The following STOM variants were observed in gnomAD, a reference collection of about 807,000 sequenced individuals.
STOM encodes the protein erythrocyte band 7 integral membrane protein.
A neutral mutation model predicts 30.6 loss-of-function variants in STOM; 25 were observed. The observed-to-expected ratio is 0.82, with a 90% CI of 0.60 to 1.14. The LOEUF is 1.14. Among genes scored for constraint, STOM ranks in the 50% most tolerant of loss-of-function variants. STOM has a pLI of 0.00. For synonymous variants in STOM, 118 were observed against 130.8 expected (o/e 0.90, Z 0.67); for missense variants, 292 against 365.2 (o/e 0.80, Z 1.63).
At chr9:121,357,496 G>T (rs190604480) in intron 1 of STOM, among the ~76,000 whole-genome samples, 54 of 146,708 alleles carry the variant, frequency 3.7e-4, no homozygotes, top group African/African-American at 1.2e-3. Flanking sequence ...CTGGAGTGCA[G>T]CAGCACAGTC....
rs140130494 is a variant in STOM, at chr9:121,361,727, T to G, written c.62-5571A>C. Among the ~76,000 whole-genome samples the G allele has an allele frequency of 3.5e-3, 533 of 152,272 alleles. 2 individuals are homozygous for G. Among genetic ancestry groups the G allele is most frequent in the African/African-American group, 0.012 (495 of 41,542 alleles). On this transcript the variant is annotated intron_variant, in intron 1 of 6. Coordinates refer to ENST00000286713, the MANE Select transcript of STOM (RefSeq NM_004099.6). ...TGCTGGTTGAGAATGTTCCTAAAAA[T>G]TAGGGATCCTATGATACTTGGTTGT...
rs1384680716 is a variant in STOM, at chr9:121,339,281, A to T, written c.*1921T>A. 2.9e-5 allele frequency: 5 copies of T among 174,328 alleles called. No homozygotes were observed. Among genetic ancestry groups the T allele is most frequent in the Non-Finnish European group, 6.0e-5 (5 of 83,184 alleles). The allele number at this position is 174,328 out of a possible 1,614,324, so 10.8% of individuals were successfully genotyped here. Reference sequence around the variant, plus strand: ...GGAGACAGGAGAACTCAAGGAACCAAAAGCACTGTTACTCTAAGTCTCAGA... The same window carrying T: ...GGAGACAGGAGAACTCAAGGAACCATAAGCACTGTTACTCTAAGTCTCAGA... On this transcript the variant is annotated 3_prime_UTR_variant, in exon 7 of 7. Transcript: ENST00000286713.
intron 1 of STOM, among the ~76,000 whole-genome samples, chr9:121,368,264 GA>G (rs1041230846): frequency 9.2e-5 from 14 of 151,928 alleles, no homozygotes; most frequent in African/African-American, 3.4e-4. Flanking sequence ...TAGAACCAAG[GA>G]AAAAAACTGG....
intron 4 of STOM, among the ~76,000 whole-genome samples, chr9:121,351,627 G>A (rs549161336): frequency 6.6e-6 from 1 of 152,328 alleles, no homozygotes; most frequent in African/African-American, 2.4e-5. Context: ...TCACTTTTTC[G>A]GGGGCTATGA....
chr9:121,340,397 G>C lies in STOM; in HGVS notation c.*805C>G, dbSNP rs1390783267. ...TCAAGTAAGGATTATTCTGAAACAC[G>C]GTCTGGATTTAGAAAATAAATGAAC... On this transcript the variant is annotated 3_prime_UTR_variant, in exon 7 of 7. Transcript: ENST00000286713. 2.0e-6 allele frequency: 2 copies of C among 985,280 alleles called. No homozygotes were observed. The highest frequency in any genetic ancestry group is 5.2e-4 in the Middle Eastern group (1 of 1,914). 61.0% of individuals were successfully genotyped at this position (985,280 alleles called of 1,614,324 possible).
At chr9:121,349,443 G>T in intron 4 of STOM, 120 bp from the exon 5 acceptor site, 2 of 725,924 alleles carry the variant, frequency 2.8e-6, no homozygotes, top group East Asian at 2.8e-5. Context: ...TAAGGCATCA[G>T]AAAGTTAATT....
chr9:121,355,093 T>C (rs2134033935), intron 2 of STOM, among the ~76,000 whole-genome samples: 1 of 151,980 alleles, frequency 6.6e-6, no homozygotes, highest in South Asian at 2.1e-4. Context: ...ACCCTGTTTC[T>C]ACTAAAAATA....
intron 4 of STOM, among the ~76,000 whole-genome samples, chr9:121,351,502 T>G (rs1444828040): frequency 2.0e-5 from 3 of 152,254 alleles, no homozygotes; most frequent in Non-Finnish European, 2.9e-5. Context: ...GTATCTGGCC[T>G]TTGGCCAGGA....
At position 121,354,499 on chromosome 9, in the gene STOM, G is replaced by A. The variant is rs1375337998; in HGVS notation, c.238+102C>T. 13 of 884,002 alleles carry A rather than the reference G, an allele frequency of 1.5e-5. 1 individual carries two copies. The highest frequency in any genetic ancestry group is 8.5e-5 in the South Asian group (5 of 58,674). The allele number at this position is 884,002 out of a possible 1,614,324, so 54.8% of individuals were successfully genotyped here. A position where few individuals can be genotyped will look rare whatever the true frequency, so the allele number is the denominator to read the frequency against. On this transcript the variant is annotated intron_variant, in intron 3 of 6. Transcript: ENST00000286713. The stretch of plus-strand genomic sequence containing the variant: ...CATGCCACTGTACTCCAGCCTGGGC[G>A]ACGGAATGAAACCCTGTCTTTAAAA...
Position 121,340,752 on chromosome 9 carries a change from GAA to G in STOM, c.*448_*449del, listed in dbSNP as rs57454919. On this transcript the variant is annotated 3_prime_UTR_variant, in exon 7 of 7. Coordinates refer to ENST00000286713, the MANE Select transcript of STOM (RefSeq NM_004099.6). ...GCAACAAGAGTGAAACTCCATCTCA[GAA>G]AAAAAAAAAAAAAGACTCTCTGGAG... The G allele has an allele frequency of 5.3e-4, 473 of 885,298 alleles. No individual in the cohort carries two copies. The highest frequency in any genetic ancestry group is 1.5e-3 in the Admixed American group (21 of 14,472). 54.8% of individuals were successfully genotyped at this position (885,298 alleles called of 1,614,324 possible).
intron 1 of STOM, among the ~76,000 whole-genome samples, chr9:121,364,472 GT>G (rs2064484633): frequency 6.6e-6 from 1 of 152,106 alleles, no homozygotes; most frequent in Non-Finnish European, 1.5e-5. Flanking sequence ...TCCATCTATA[GT>G]TATAAATGCT....
rs1281716410 is a variant in STOM, at chr9:121,348,021, G to A, written c.654C>T (p.Arg218=). The A allele has an allele frequency of 4.7e-5, 75 of 1,611,616 alleles. No individual in the cohort carries two copies. The highest frequency in any genetic ancestry group is 1.1e-4 in the African/African-American group (8 of 74,828). The stretch of plus-strand genomic sequence containing the variant: ...AGTTTAAAAAAAAAGTTACCTTGGC[G>A]CGGGCCTCGCGGGACGCTTCTGCTT... ...AAEAEASREA[R]AKVIAAEGEM... The change falls in exon 6 of 7, where the codon CGC becomes CGT. Residue 218 remains arginine, a synonymous_variant. Transcript: ENST00000286713.
In STOM at chr9:121,345,671, A is replaced by G. The variant is rs142367801; in HGVS notation, c.660+2344T>C. Among the ~76,000 whole-genome samples the G allele has an allele frequency of 6.9e-3, 1,057 of 152,300 alleles. 15 individuals are homozygous for G. Among genetic ancestry groups the G allele is most frequent in the African/African-American group, 0.024 (1,017 of 41,554 alleles). ...GAGACTGCTTCTAGACTAACCCTAC[A>G]GCCCCGTCCAAGTGGGAGCATGGCA... On this transcript the variant is annotated intron_variant, in intron 6 of 6. Transcript: ENST00000286713.
intron 3 of STOM, 55 bp from the exon 4 acceptor site, chr9:121,353,357 C>T: frequency 8.2e-7 from 1 of 1,226,100 alleles, no homozygotes; most frequent in Non-Finnish European, 1.1e-6. Context: ...CAGTTCACTT[C>T]TCCATTCAGT....
chr9:121,353,381 A>T, intron 3 of STOM, 79 bp from the exon 4 acceptor site: 1 of 913,868 alleles, frequency 1.1e-6, no homozygotes. Context: ...AAGAAAATCA[A>T]CCTAGTGAAC....
At position 121,339,186 on chromosome 9, in the gene STOM, C is replaced by T. The variant is rs1402510889; in HGVS notation, c.*2016G>A. The T allele has an allele frequency of 6.5e-6, 1 of 152,842 alleles. No individual in the cohort carries two copies. The highest frequency in any genetic ancestry group is 1.5e-5 in the Non-Finnish European group (1 of 68,498). 9.5% of individuals were successfully genotyped at this position (152,842 alleles called of 1,614,324 possible). A position where few individuals can be genotyped will look rare whatever the true frequency, so the allele number is the denominator to read the frequency against. On this transcript the variant is annotated 3_prime_UTR_variant, in exon 7 of 7. Transcript: ENST00000286713. ...TAGAGCTCCTTCTATGCGTCCCTCC[C>T]AAGTGATTTAATTTCAGCTGATTGG...
chr9:121,360,415 T>A (rs2064439583), intron 1 of STOM, among the ~76,000 whole-genome samples: 1 of 152,202 alleles, frequency 6.6e-6, no homozygotes, highest in African/African-American at 2.4e-5. Context: ...GAACGAGGAG[T>A]AACTATGTTT....
rs563747784 is a variant in STOM, at chr9:121,340,699, G to T, written c.*503C>A. On this transcript the variant is annotated 3_prime_UTR_variant, in exon 7 of 7. Coordinates refer to ENST00000286713, the MANE Select transcript of STOM (RefSeq NM_004099.6). ...CAGGAGGCGGAGGTTGCAGTGAGCC[G>T]AGATCATGCTATTGCACTCCAGCCT... 1.0e-6 allele frequency: 1 copy of T among 954,546 alleles called. No individual in the cohort carries two copies. The highest frequency in any genetic ancestry group is 1.8e-5 in the African/African-American group (1 of 56,082). The allele number at this position is 954,546 out of a possible 1,614,324, so 59.1% of individuals were successfully genotyped here.
rs140710075 is a variant in STOM at position 121,350,550 on chromosome 9, T to C, written c.322-1227A>G. On this transcript the variant is annotated intron_variant, in intron 4 of 6. Coordinates refer to ENST00000286713, the MANE Select transcript of STOM (RefSeq NM_004099.6). ...ATGTGGTCCTGAGAACAGTGACCGA[T>C]GAGGAACACAGCAGTGAGAGTTAGG... Among the ~76,000 whole-genome samples, 1,200 of 152,332 alleles carry C rather than the reference T, an allele frequency of 7.9e-3. 20 individuals carry two copies. Among genetic ancestry groups the C allele is most frequent in the African/African-American group, 0.028 (1,145 of 41,576 alleles).
Sources: allele counts gnomAD v4.1 joint callset (sites outside exome capture counted in the v4.1 genomes callset), GRCh38; gene constraint gnomAD v4.1.1; transcripts MANE v1.5; gene names NCBI Gene and HGNC (gene_info 2026-07-23, HGNC 2026-07-21).